MED24: variants seen among roughly 807,000 people sequenced by gnomAD.
MED24 encodes the protein mediator of RNA polymerase II transcription subunit 24.
MED24 carries 74 observed loss-of-function variants against 118.8 expected under a neutral mutation model. That is an observed-to-expected ratio of 0.62 (90% CI 0.52 to 0.76). The LOEUF is 0.76. MED24 is among the 30% of genes least tolerant of loss of function. The probability of loss-of-function intolerance (pLI) is 0.00; values close to 1 mark genes in which losing one functional copy is unlikely to be tolerated. For synonymous variants in MED24, 521 were observed against 523.9 expected, an observed-to-expected ratio of 0.99 and a Z score of 0.08; for missense variants, 1,041 against 1,278.9, an observed-to-expected ratio of 0.81 and a Z score of 2.84.
At chr17:40,028,280 T>A (rs1231783500) in intron 14 of MED24, among the ~76,000 whole-genome samples, 6 of 151,962 alleles carry the variant, frequency 3.9e-5, no homozygotes, top group African/African-American at 1.4e-4. Flanking sequence ...ACCCGGCTAA[T>A]TTTTTGTATT....
intron 23 of MED24, 41 bp from the exon 24 acceptor site, chr17:40,020,394 C>G: frequency 6.4e-7 from 1 of 1,563,680 alleles, no homozygotes; most frequent in South Asian, 1.2e-5. Context: ...AACAGCCTGC[C>G]GAGTGCAAAA....
At chr17:40,025,464 A>G (rs1465647559) in intron 19 of MED24, among the ~76,000 whole-genome samples, 1 of 152,206 alleles carries the variant, frequency 6.6e-6, no homozygotes, top group Admixed American at 6.5e-5. Context: ...CAACAACAAC[A>G]ACAAAAAGTA....
Position 40,019,544 on chromosome 17 carries a change from G to A in MED24, c.2955C>T (p.Ala985=). The A allele has an allele frequency of 3.7e-6, 6 of 1,612,284 alleles. No homozygotes were observed. The East Asian group carries it at 1.3e-4, about 36-fold the overall frequency. ...GCCAAGCCCCTCAGAGTGCAGCAAT[G>A]GCTTTAGCAGCCACCTGGCGGCCCA... ...LPLGRQVAAK[A]IAAL is the part of the protein sequence containing the mutation. The change falls in exon 26 of 26, where the codon GCC becomes GCT. Residue 985 remains alanine, a synonymous_variant. Transcript: ENST00000394128.
At position 40,033,491 on chromosome 17, in the gene MED24, G is replaced by C; in HGVS notation, c.560-35C>G. ...GGAAGGAAGTACAGAAACATGATGG[G>C]AAACAGGAGAGAAGGAGCACCTGGC... On this transcript the variant is annotated intron_variant, in intron 6 of 25. Coordinates refer to ENST00000394128, the MANE Select transcript of MED24 (RefSeq NM_014815.4). This position sits in a 1 kb window ranked among gnomAD's most constrained non-coding sequence, Gnocchi z 5.2. 1 of 1,522,062 alleles carries C rather than the reference G, an allele frequency of 6.6e-7. No individual in the cohort carries two copies. The allele number at this position is 1,522,062 out of a possible 1,614,324, so 94.3% of individuals were successfully genotyped here. A position where few individuals can be genotyped will look rare whatever the true frequency, so the allele number is the denominator to read the frequency against.
At chr17:40,045,457 C>CAA (rs35418289) in intron 3 of MED24, among the ~76,000 whole-genome samples, 155 of 98,024 alleles carry the variant, frequency 1.6e-3, no homozygotes, top group African/African-American at 4.9e-3. Flanking sequence ...GACTTCATCT[C>CAA]AAAAAAAAAA....
In MED24 at chr17:40,032,102, G is replaced by A. The variant is rs373518981; in HGVS notation, c.937-12C>T. The A allele has an allele frequency of 1.3e-4, 202 of 1,613,194 alleles. 1 individual carries two copies. In the Admixed American group the frequency reaches 3.0e-3, roughly 24 times the overall value. On this transcript the variant is annotated splice_polypyrimidine_tract_variant and intron_variant, in intron 9 of 25. Transcript: ENST00000394128. ...AAAACCTGTGGAATCTAGGGGGTGAGGCAGGGGGAAAAACAGGAAGATCCA... is the reference window on the plus strand; with the variant it reads ...AAAACCTGTGGAATCTAGGGGGTGAAGCAGGGGGAAAAACAGGAAGATCCA...
At position 40,032,648 on chromosome 17, in the gene MED24, C is replaced by G. The variant is rs775726123; in HGVS notation, c.936+1G>C. The G allele has an allele frequency of 1.2e-6, 2 of 1,609,832 alleles. No homozygotes were observed. The highest frequency in any genetic ancestry group is 2.7e-5 in the African/African-American group (2 of 74,720). On this transcript the variant is annotated splice_donor_variant, in intron 9 of 25. Transcript: ENST00000394128. LOFTEE classifies it high-confidence loss of function. ...CTCTGCCCCTCCCACGTCCCCAGTA[C>G]CTTGAGGAAAGTGAAAGCTGTCCAC...
chr17:40,033,793 CA>C lies in MED24; in HGVS notation c.560-338del. On this transcript the variant is annotated intron_variant, in intron 6 of 25. Transcript: ENST00000394128. The surrounding 1 kb of genome is among the most constrained non-coding windows in gnomAD (Gnocchi z 5.2). ...GTGGCTGGAACAGGGAGGGCGGCCA[CA>C]AATCACTCGAGGAGTGAGCGGATCC... 1 of 498,278 alleles carries C rather than the reference CA, an allele frequency of 2.0e-6. No individual in the cohort carries two copies. Among genetic ancestry groups the C allele is most frequent in the Non-Finnish European group, 3.9e-6 (1 of 255,164 alleles). 30.9% of individuals were successfully genotyped at this position (498,278 alleles called of 1,614,324 possible). A position where few individuals can be genotyped will look rare whatever the true frequency, so the allele number is the denominator to read the frequency against.
At chr17:40,045,616 C>T (rs1211065212) in intron 3 of MED24, among the ~76,000 whole-genome samples, 1 of 151,326 alleles carries the variant, frequency 6.6e-6, no homozygotes, top group Non-Finnish European at 1.5e-5. Context: ...GAAACCGTGT[C>T]TCTACACAAA....
At position 40,035,118 on chromosome 17, in the gene MED24, G is replaced by T. The variant is rs878914091; in HGVS notation, c.558C>A (p.Ala186=). ...GCTCAGGGGAATCAAGGGACATACA[G>T]GCCTCCTCTAGTTTGGCGATGTGCA... is the stretch of plus-strand genomic sequence containing the variant. ...ALLHIAKLEE[A]SSWTAIEHSL... The change falls in exon 6 of 26, where the codon GCC becomes GCA. Residue 186 remains alanine (A), a splice_region_variant and synonymous_variant. Coordinates refer to ENST00000394128, the MANE Select transcript of MED24 (RefSeq NM_014815.4). 3 of 1,614,126 alleles carry T rather than the reference G, an allele frequency of 1.9e-6. No homozygotes were observed. In the South Asian group the frequency reaches 3.3e-5, roughly 18 times the overall value.
intron 15 of MED24, 72 bp from the exon 16 acceptor site, chr17:40,027,537 C>T (rs1364387867): frequency 7.6e-6 from 11 of 1,445,152 alleles, no homozygotes; most frequent in African/African-American, 1.4e-5. Context: ...TGACAGGGAT[C>T]GGGATTTGCC....
intron 15 of MED24, 33 bp from the exon 16 acceptor site, chr17:40,027,498 C>T: frequency 1.3e-6 from 2 of 1,576,652 alleles, no homozygotes; most frequent in Non-Finnish European, 1.7e-6. Flanking sequence ...AGCTCCCAGA[C>T]GAGGGCAGGG....
At chr17:40,050,692 G>A (rs1218835013) in intron 3 of MED24, among the ~76,000 whole-genome samples, 4 of 152,172 alleles carry the variant, frequency 2.6e-5, no homozygotes, top group African/African-American at 4.8e-5. Context: ...CATATAGAGT[G>A]AACTAACAGA....
chr17:40,041,714 C>A (rs1267489441), intron 3 of MED24, among the ~76,000 whole-genome samples: 1 of 152,150 alleles, frequency 6.6e-6, no homozygotes, highest in Non-Finnish European at 1.5e-5. Context: ...TATCCTTGAC[C>A]CCTTCTCCTC....
chr17:40,054,093 A>T, intron 1 of MED24: 1 of 214,184 alleles, frequency 4.7e-6, no homozygotes, highest in Non-Finnish European at 9.6e-6. Flanking sequence ...AGATCGCACC[A>T]TTGCACTCCA....
At chr17:40,041,443 C>T (rs1231403373) in intron 3 of MED24, among the ~76,000 whole-genome samples, 1 of 152,216 alleles carries the variant, frequency 6.6e-6, no homozygotes, top group African/African-American at 2.4e-5. Context: ...TGCACAATCT[C>T]ATCCATGCCC....
chr17:40,022,709 C>T lies in MED24; in HGVS notation c.2368G>A (p.Gly790Ser). The T allele has an allele frequency of 6.2e-7, 1 of 1,613,846 alleles. No individual in the cohort carries two copies. The highest frequency in any genetic ancestry group is 8.5e-7 in the Non-Finnish European group (1 of 1,179,952). The change falls in exon 21 of 26, where the codon GGC becomes AGC. Residue 790 changes from glycine to serine, a missense_variant. By Grantham distance (56) the Gly-to-Ser change is moderately conservative. Coordinates refer to ENST00000394128, the MANE Select transcript of MED24 (RefSeq NM_014815.4). Reference sequence around the variant, plus strand: ...CACTTGGAGGAGTCAGTGAGCAGGCCAGGTAGGATGTGGCCCAGCAGGACC... The same window carrying T: ...CACTTGGAGGAGTCAGTGAGCAGGCTAGGTAGGATGTGGCCCAGCAGGACC... Reference protein sequence around the residue: ...TLVLLGHILPGLLTDSSKWHS... With the variant: ...TLVLLGHILPSLLTDSSKWHS...
intron 3 of MED24, among the ~76,000 whole-genome samples, chr17:40,050,413 C>T (rs1012347081): frequency 3.3e-5 from 5 of 152,098 alleles, no homozygotes; most frequent in Non-Finnish European, 7.3e-5. Context: ...CGCCACTGCA[C>T]TCCACCCTGG....
rs1981745346 is a variant in MED24 at position 40,019,930 on chromosome 17, T to C, written c.2708A>G (p.Asn903Ser). Residue 903 changes from asparagine (N) to serine (S), a missense_variant, in exon 25 of 26, where the codon AAC (asparagine) becomes AGC (serine). Asn to Ser is a conservative substitution (Grantham distance 46). This residue lies in a region of MED24 where 587 missense variants were observed against 694.4 expected (regional missense o/e 0.85). Coordinates refer to ENST00000394128, the MANE Select transcript of MED24 (RefSeq NM_014815.4). Reference protein sequence around the residue: ...MRDPLNRVLANLFLLISSILG... With the variant: ...MRDPLNRVLASLFLLISSILG... ...GATGGAGGAGATGAGCAGGAACAGG[T>C]TGGCTGTAGAGAGTGGGGGGAGAGT... The C allele has an allele frequency of 1.9e-6, 3 of 1,562,776 alleles. No homozygotes were observed. The highest frequency in any genetic ancestry group is 2.4e-5 in the East Asian group (1 of 42,248).
Sources: allele counts gnomAD v4.1 joint callset (sites outside exome capture counted in the v4.1 genomes callset), GRCh38; gene constraint gnomAD v4.1.1; regional missense constraint gnomAD v4.1.1; non-coding constraint Gnocchi (gnomAD v3.1); transcripts MANE v1.5; gene names NCBI Gene and HGNC (gene_info 2026-07-23, HGNC 2026-07-21).